KCNQ3: variants seen among roughly 807,000 people sequenced by gnomAD.
The protein encoded by KCNQ3 is potassium voltage-gated channel subfamily Q member 3.
Under a neutral mutation model 92.5 loss-of-function variants are expected in KCNQ3, and 30 were observed. The ratio of observed to expected loss-of-function variants is 0.32; its 90% CI spans 0.24 to 0.44. The LOEUF (loss-of-function observed/expected upper bound fraction) is 0.44. Ranked by LOEUF, KCNQ3 falls within the 20% of genes least tolerant of loss-of-function variation. The pLI is 1.00. For synonymous variants in KCNQ3, 450 were observed against 468.8 expected, an observed-to-expected ratio of 0.96 and a Z score of 0.52; for missense variants, 913 against 1,140.3, an observed-to-expected ratio of 0.80 and a Z score of 2.87.
chr8:132,260,031 T>A, intron 1 of KCNQ3, among the ~76,000 whole-genome samples: 1 of 152,262 alleles, frequency 6.6e-6, no homozygotes, highest in South Asian at 2.1e-4. Context: ...CATCCTGTGT[T>A]CATAGACTAG....
intron 1 of KCNQ3, among the ~76,000 whole-genome samples, chr8:132,348,760 T>C (rs1448611338): frequency 6.6e-6 from 1 of 152,228 alleles, no homozygotes; most frequent in Non-Finnish European, 1.5e-5. Flanking sequence ...TGACTCCTTC[T>C]TGACTTTCTA....
chr8:132,147,425 T>C (rs1401755716), intron 9 of KCNQ3, among the ~76,000 whole-genome samples: 2 of 152,194 alleles, frequency 1.3e-5, no homozygotes, highest in African/African-American at 2.4e-5. Context: ...TTGGGACATG[T>C]TACTTTTAGG....
At chr8:132,469,678 C>T (rs992398552) in intron 1 of KCNQ3, among the ~76,000 whole-genome samples, 1 of 151,876 alleles carries the variant, frequency 6.6e-6, no homozygotes, top group African/African-American at 2.4e-5. Flanking sequence ...GACCTCCAGA[C>T]CCAAACCAAA....
chr8:132,317,818 T>C (rs1031240343), intron 1 of KCNQ3, among the ~76,000 whole-genome samples: 1 of 152,150 alleles, frequency 6.6e-6, no homozygotes, highest in Non-Finnish European at 1.5e-5. Context: ...CCATGGTCAA[T>C]AGATTCATGC....
chr8:132,229,228 C>CTCCA (rs1284980480), intron 1 of KCNQ3, among the ~76,000 whole-genome samples: 5 of 150,604 alleles, frequency 3.3e-5, no homozygotes, highest in African/African-American at 1.2e-4. Flanking sequence ...TGCCACTGCA[C>CTCCA]TCCAGCCTGG....
At chr8:132,302,758 G>A (rs1302093216) in intron 1 of KCNQ3, among the ~76,000 whole-genome samples, 1 of 152,152 alleles carries the variant, frequency 6.6e-6, no homozygotes, top group African/African-American at 2.4e-5. Flanking sequence ...TATCCTAGAT[G>A]TTGAGTCATA....
intron 1 of KCNQ3, among the ~76,000 whole-genome samples, chr8:132,473,612 C>T (rs895598733): frequency 6.6e-6 from 1 of 152,160 alleles, no homozygotes; most frequent in Non-Finnish European, 1.5e-5. Context: ...ACACTGAATG[C>T]TTCTTCCATG....
intron 1 of KCNQ3, among the ~76,000 whole-genome samples, chr8:132,192,669 A>G (rs1268481964): frequency 6.6e-6 from 1 of 151,944 alleles, no homozygotes; most frequent in Non-Finnish European, 1.5e-5. Flanking sequence ...TTTATTTTCA[A>G]GACGGAATCT....
intron 1 of KCNQ3, among the ~76,000 whole-genome samples, chr8:132,456,732 C>T (rs980445408): frequency 9.2e-5 from 14 of 151,960 alleles, no homozygotes; most frequent in Non-Finnish European, 1.3e-4. Flanking sequence ...CTGCCTCAGC[C>T]TCCTCAGTAG....
chr8:132,340,702 G>T (rs1818504797), intron 1 of KCNQ3, among the ~76,000 whole-genome samples: 1 of 152,042 alleles, frequency 6.6e-6, no homozygotes, highest in Non-Finnish European at 1.5e-5. Context: ...GGGTTGATAG[G>T]TACAGAAAAC....
chr8:132,279,663 C>T (rs145194201), intron 1 of KCNQ3, among the ~76,000 whole-genome samples: 1,734 of 152,330 alleles, frequency 0.011, 10 homozygotes, highest in Middle Eastern at 0.034. Context: ...AACAGATACA[C>T]ACGCACACAC....
chr8:132,382,833 C>T (rs1819789835), intron 1 of KCNQ3, among the ~76,000 whole-genome samples: 1 of 152,166 alleles, frequency 6.6e-6, no homozygotes, highest in African/African-American at 2.4e-5. Flanking sequence ...AAGGAGCCTG[C>T]ACCCGGATCC....
chr8:132,372,181 C>G (rs748583245), intron 1 of KCNQ3, among the ~76,000 whole-genome samples: 11 of 152,122 alleles, frequency 7.2e-5, no homozygotes, highest in Non-Finnish European at 1.2e-4. Context: ...CTTCTAACAT[C>G]ATGATTCTAT....
chr8:132,279,549 A>G (rs552112749), intron 1 of KCNQ3, among the ~76,000 whole-genome samples: 2 of 152,342 alleles, frequency 1.3e-5, no homozygotes, highest in Admixed American at 1.3e-4. Context: ...CTCTACTTGC[A>G]GGTTGAGGAT....
chr8:132,266,970 C>G (rs1374018643), intron 1 of KCNQ3, among the ~76,000 whole-genome samples: 1 of 152,130 alleles, frequency 6.6e-6, no homozygotes, highest in Non-Finnish European at 1.5e-5. Context: ...TTTATTATAA[C>G]TGCTAGCAGG....
At chr8:132,227,430 G>A (rs1258834655) in intron 1 of KCNQ3, among the ~76,000 whole-genome samples, 1 of 152,118 alleles carries the variant, frequency 6.6e-6, no homozygotes, top group Non-Finnish European at 1.5e-5. Flanking sequence ...AGAGAGGAAA[G>A]GGCATGAAGA....
chr8:132,392,032 C>T (rs1045448871), intron 1 of KCNQ3, among the ~76,000 whole-genome samples: 2 of 152,186 alleles, frequency 1.3e-5, no homozygotes, highest in Admixed American at 1.3e-4. Flanking sequence ...ACGCATCCTG[C>T]TGTCATAAAC....
intron 11 of KCNQ3, among the ~76,000 whole-genome samples, chr8:132,138,430 G>T (rs995563271): frequency 3.3e-5 from 5 of 152,224 alleles, no homozygotes; most frequent in Non-Finnish European, 7.3e-5. Flanking sequence ...CCCAGACAGG[G>T]TGCTGACAAG....
intron 9 of KCNQ3, among the ~76,000 whole-genome samples, chr8:132,158,349 A>G (rs946286114): frequency 1.3e-5 from 2 of 152,196 alleles, no homozygotes; most frequent in Admixed American, 1.3e-4. Flanking sequence ...CTGTGAGATA[A>G]ATTTCATGTG....
Sources: allele counts gnomAD v4.1 joint callset (sites outside exome capture counted in the v4.1 genomes callset), GRCh38; gene constraint gnomAD v4.1.1; transcripts MANE v1.5; gene names NCBI Gene and HGNC (gene_info 2026-07-23, HGNC 2026-07-21).